ANXA4: variants seen among roughly 807,000 people sequenced by gnomAD.
ANXA4 encodes 35-beta calcimedin.
A neutral mutation model predicts 49.8 loss-of-function variants in ANXA4; 39 were observed. The observed-to-expected ratio is 0.78, with a 90% CI of 0.61 to 1.02. ANXA4 has a LOEUF of 1.02. Among genes scored for constraint, ANXA4 ranks in the 50% least tolerant of loss-of-function variants. ANXA4 has a pLI of 0.00. For missense variants in ANXA4, 360 were observed against 410.1 expected (o/e 0.88, Z 1.05); for synonymous variants, 134 against 152.5 (o/e 0.88, Z 0.89).
chr2:69,714,331 G>A (rs1244503426), intron 2 of ANXA4, among the ~76,000 whole-genome samples: 3 of 146,240 alleles, frequency 2.1e-5, no homozygotes, highest in African/African-American at 7.4e-5. Context: ...CGGAAGGGAG[G>A]AAGGATGCGG....
chr2:69,668,937 C>CTT (rs113566887), intron 2 of ANXA4, among the ~76,000 whole-genome samples: 1 of 143,044 alleles, frequency 7.0e-6, no homozygotes, highest in Non-Finnish European at 1.5e-5. Context: ...CCTTTTGAGC[C>CTT]TTTTTTTTTT....
chr2:69,755,357 C>T (rs1457662445), intron 1 of ANXA4, among the ~76,000 whole-genome samples: 1 of 152,196 alleles, frequency 6.6e-6, no homozygotes. Flanking sequence ...CAGTGGCTCA[C>T]GCCTGTAATC....
chr2:69,687,016 C>T (rs530554130), intron 2 of ANXA4, among the ~76,000 whole-genome samples: 6 of 152,330 alleles, frequency 3.9e-5, no homozygotes, highest in South Asian at 2.1e-4. Context: ...ACCAAAGTCA[C>T]GAGTGTGTGA....
intron 3 of ANXA4, among the ~76,000 whole-genome samples, chr2:69,795,424 T>A (rs899403556): frequency 9.2e-5 from 14 of 152,338 alleles, no homozygotes; most frequent in Admixed American, 9.1e-4. Context: ...AACGGATGAA[T>A]TGGGACTATG....
intron 8 of ANXA4, among the ~76,000 whole-genome samples, chr2:69,814,192 G>A (rs1673848085): frequency 6.6e-6 from 1 of 152,124 alleles, no homozygotes; most frequent in African/African-American, 2.4e-5. Context: ...AGAGGTATGT[G>A]TGTGGCTTGG....
chr2:69,693,797 A>G (rs779730127), intron 2 of ANXA4, among the ~76,000 whole-genome samples: 8 of 152,180 alleles, frequency 5.3e-5, no homozygotes, highest in Admixed American at 6.5e-5. Flanking sequence ...GCAGGGCCCA[A>G]TGCAAAATGA....
chr2:69,730,898 T>C (rs1040037157), intron 3 of ANXA4, among the ~76,000 whole-genome samples: 2 of 152,160 alleles, frequency 1.3e-5, no homozygotes, highest in African/African-American at 4.8e-5. Flanking sequence ...ATATTCGCTT[T>C]CTCCATCCAG....
chr2:69,749,702 A>T (rs1016588753), intron 1 of ANXA4, among the ~76,000 whole-genome samples: 2 of 152,044 alleles, frequency 1.3e-5, no homozygotes, highest in African/African-American at 4.8e-5. Flanking sequence ...AGGCAGGCGG[A>T]TCACTTGAGG....
intron 3 of ANXA4, among the ~76,000 whole-genome samples, chr2:69,789,816 T>G (rs996617436): frequency 1.3e-5 from 2 of 152,176 alleles, no homozygotes; most frequent in Admixed American, 6.5e-5. Context: ...ATTCTGTGTT[T>G]CTTTGTCTTG....
chr2:69,768,854 C>T (rs1209081542), intron 1 of ANXA4, among the ~76,000 whole-genome samples: 1 of 152,038 alleles, frequency 6.6e-6, no homozygotes, highest in Non-Finnish European at 1.5e-5. Flanking sequence ...GGCAGGCTGA[C>T]CACTTGAGCC....
chr2:69,806,575 A>G, intron 5 of ANXA4, 77 bp downstream of exon 5: 2 of 1,265,540 alleles, frequency 1.6e-6, no homozygotes, highest in East Asian at 2.3e-5. Flanking sequence ...CTGTCACCCA[A>G]TAAGAAAGAC....
At chr2:69,704,013 C>G (rs1466294411) in intron 2 of ANXA4, among the ~76,000 whole-genome samples, 1 of 152,062 alleles carries the variant, frequency 6.6e-6, no homozygotes, top group Non-Finnish European at 1.5e-5. Context: ...CCCCTAATAT[C>G]TTTCTGTTGA....
chr2:69,794,241 G>A (rs1183094566), intron 3 of ANXA4, among the ~76,000 whole-genome samples: 1 of 152,208 alleles, frequency 6.6e-6, no homozygotes, highest in African/African-American at 2.4e-5. Context: ...CAACAGTCCT[G>A]TTACATTGTG....
At chr2:69,643,849 C>G (rs1319151312), upstream of ANXA4, 1 of 1,180,296 alleles carries the variant, frequency 8.5e-7, no homozygotes, top group African/African-American at 1.6e-5. Context: ...GGGACCGGGG[C>G]CTCTCCTGCA....
chr2:69,707,191 C>T lies in ANXA4; in HGVS notation n.767-13583C>T, dbSNP rs201115050. On this transcript the variant is annotated intron_variant and non_coding_transcript_variant, in intron 2 of 3. Transcript: ENST00000418066. ...TGTATAAGATAGGAAATATTTCTTC[C>T]TTAAATGTCTGATAGACCCTAGCCA... Among the ~76,000 whole-genome samples the T allele has an allele frequency of 1.2e-3, 178 of 152,256 alleles. 1 individual carries two copies. Among genetic ancestry groups the T allele is most frequent in the African/African-American group, 4.2e-3 (175 of 41,558 alleles).
intron 2 of ANXA4, chr2:69,700,132 A>T (rs1366245682): frequency 1.3e-5 from 2 of 152,258 alleles, no homozygotes; most frequent in African/African-American, 2.4e-5. Context: ...AAAGAAAGTG[A>T]TTAGATAAAA....
chr2:69,810,430 T>C (rs555706700), intron 6 of ANXA4, 164 bp from the exon 7 acceptor site: 1 of 614,344 alleles, frequency 1.6e-6, no homozygotes, highest in East Asian at 2.8e-5. Context: ...TTGACCATTT[T>C]ACCAGAGTTT....
chr2:69,803,695 C>T (rs6730981), intron 3 of ANXA4, among the ~76,000 whole-genome samples: 72,202 of 152,026 alleles, frequency 0.47, 21,506 homozygotes, highest in African/African-American at 0.82. Context: ...TAACAGCCAA[C>T]TTAAACTCTG....
At chr2:69,661,372 A>G (rs1311489529) in intron 2 of ANXA4, among the ~76,000 whole-genome samples, 2 of 152,136 alleles carry the variant, frequency 1.3e-5, no homozygotes, top group African/African-American at 4.8e-5. Flanking sequence ...AATTAGGCAC[A>G]GTGGCTCATT....
Sources: gnomAD v4.1 joint callset for allele counts (sites outside exome capture counted in the v4.1 genomes callset) on GRCh38, gnomAD v4.1.1 for gene constraint, MANE v1.5 for transcripts, NCBI Gene and HGNC (gene_info 2026-07-23, HGNC 2026-07-21) for gene names.